LINS1: variants seen among roughly 807,000 people sequenced by gnomAD.
LINS1 encodes lines homolog 1.
In LINS1, 27 loss-of-function variants were observed where a neutral mutation model predicts 41.6. That is an observed-to-expected ratio of 0.65 (90% CI 0.48 to 0.89). The LOEUF (loss-of-function observed/expected upper bound fraction) is 0.89. Among genes scored for constraint, LINS1 ranks in the 40% least tolerant of loss-of-function variants. The pLI, the probability that LINS1 is intolerant of heterozygous loss-of-function variation, is 0.00. For synonymous variants in LINS1, 336 were observed against 312.9 expected (o/e 1.07, Z -0.78); for missense variants, 955 against 884.1 (o/e 1.08, Z -1.02).
intron 3 of LINS1, among the ~76,000 whole-genome samples, chr15:100,579,818 G>A (rs1028122414): frequency 5.9e-5 from 9 of 152,150 alleles, no homozygotes; most frequent in Non-Finnish European, 1.0e-4. Flanking sequence ...TTTTTAGGGG[G>A]AAGGGGTCCA....
At chr15:100,574,840 T>A (rs1181676467) in intron 4 of LINS1, 147 bp downstream of exon 4, 4 of 825,828 alleles carry the variant, frequency 4.8e-6, no homozygotes, top group Non-Finnish European at 7.7e-6. Context: ...AAACAGGTTA[T>A]CCTCAATCAA....
intron 1 of LINS1, among the ~76,000 whole-genome samples, chr15:100,582,752 C>T (rs1424636402): frequency 2.5e-5 from 3 of 121,868 alleles, no homozygotes; most frequent in Non-Finnish European, 3.4e-5. Flanking sequence ...CCATCTACAA[C>T]ATGGCCCACT....
rs888124360 is a variant in LINS1, at chr15:100,567,276, G to A, written c.*1962C>T. ...ATAGGACAGTCACAGTAAAAATAAC[G>A]GCTTGATAGTCTTATGGGACCACTG... On this transcript the variant is annotated 3_prime_UTR_variant, in exon 7 of 7. Coordinates refer to ENST00000314742, the MANE Select transcript of LINS1 (RefSeq NM_001040616.3). 1 of 152,140 alleles carries A rather than the reference G, an allele frequency of 6.6e-6. No homozygotes were observed. The highest frequency in any genetic ancestry group is 1.5e-5 in the Non-Finnish European group (1 of 68,034). 9.4% of individuals were successfully genotyped at this position (152,140 alleles called of 1,614,324 possible). A position where few individuals can be genotyped will look rare whatever the true frequency, so the allele number is the denominator to read the frequency against.
chr15:100,571,417 ATAACT>A (rs762536868), intron 6 of LINS1, among the ~76,000 whole-genome samples: 39 of 152,362 alleles, frequency 2.6e-4, no homozygotes, highest in Non-Finnish European at 4.3e-4. Flanking sequence ...CATCAGTAAC[ATAACT>A]TAACCAATTT....
At chr15:100,598,130 C>T (rs1465770720) in intron 1 of LINS1, among the ~76,000 whole-genome samples, 2 of 152,152 alleles carry the variant, frequency 1.3e-5, no homozygotes, top group Middle Eastern at 3.2e-3. Flanking sequence ...CTCTGGTGCC[C>T]TGTCTTACAG....
Position 100,569,405 on chromosome 15 carries a change from C to T in LINS1, c.2107G>A (p.Val703Ile), listed in dbSNP as rs567942281. The T allele has an allele frequency of 6.6e-5, 107 of 1,614,132 alleles. No homozygotes were observed. The highest frequency in any genetic ancestry group is 1.6e-4 in the Middle Eastern group (1 of 6,062). The change falls in exon 7 of 7, where the codon GTC (valine) becomes ATC (isoleucine). Residue 703 changes from valine to isoleucine, a missense_variant. Transcript: ENST00000314742. ...FDCEVAPNDV[V>I]SEVGIFYRIV... is the part of the protein sequence containing the mutation. ...CTGTAAAATATTCCCACTTCAGAGA[C>T]GACATCATTTGGGGCTACTTCACAA...
Position 100,573,921 on chromosome 15 carries a change from C to T in LINS1, c.952G>A (p.Gly318Arg), listed in dbSNP as rs769504618. 1 of 1,614,242 alleles carries T rather than the reference C, an allele frequency of 6.2e-7. No homozygotes were observed. The highest frequency in any genetic ancestry group is 8.5e-7 in the Non-Finnish European group (1 of 1,180,042). The change falls in exon 5 of 7, where the codon GGA becomes AGA. Residue 318 changes from glycine to arginine, a missense_variant. Coordinates refer to ENST00000314742, the MANE Select transcript of LINS1 (RefSeq NM_001040616.3). ...GGCGGCATTAAGGCAGGCACAGATC[C>T]ACGACAGAGGTCTTCACCCACTTTA... ...LCKVGEDLCR[G>R]SVPALMPPDH... is the part of the protein sequence containing the mutation.
rs760610751 is a variant in LINS1, at chr15:100,571,949, C to T, written c.1339G>A (p.Asp447Asn). Residue 447 changes from aspartate (D) to asparagine (N), a missense_variant, in exon 6 of 7, where the codon GAT becomes AAT. Coordinates refer to ENST00000314742, the MANE Select transcript of LINS1 (RefSeq NM_001040616.3). ...WLSRVFIEQD[D>N]DMLEAAKASL... ...GCCTTGGCAGCCTCCAGCATGTCAT[C>T]GTCTTGTTCTATGAAAACCCGAGAC... 3 of 1,614,192 alleles carry T rather than the reference C, an allele frequency of 1.9e-6. No homozygotes were observed. Among genetic ancestry groups the T allele is most frequent in the East Asian group, 2.2e-5 (1 of 44,890 alleles).
At chr15:100,589,499 G>T (rs1341383170) in intron 1 of LINS1, among the ~76,000 whole-genome samples, 1 of 152,210 alleles carries the variant, frequency 6.6e-6, no homozygotes, top group Non-Finnish European at 1.5e-5. Flanking sequence ...TATTCAAGAG[G>T]ATATAAGTCT....
intron 1 of LINS1, among the ~76,000 whole-genome samples, chr15:100,596,078 A>C (rs2039231389): frequency 6.6e-6 from 1 of 152,190 alleles, no homozygotes; most frequent in Admixed American, 6.5e-5. Flanking sequence ...AACAGACTCC[A>C]GGAGATTTGG....
At chr15:100,586,655 A>C (rs1351491494) in intron 1 of LINS1, among the ~76,000 whole-genome samples, 1 of 152,248 alleles carries the variant, frequency 6.6e-6, no homozygotes. Context: ...AATTTTGTCT[A>C]ATTCAGAAGT....
rs539418945 is a variant in LINS1, at chr15:100,568,016, T to C, written c.*1222A>G. On this transcript the variant is annotated 3_prime_UTR_variant, in exon 7 of 7. Transcript: ENST00000314742. ...CAGGCAATATTTTAGACTGCCTTAA[T>C]GCCAGACTTCGCAGCACAATATAGC... is the stretch of plus-strand genomic sequence containing the variant. 1.6e-4 allele frequency: 25 copies of C among 152,314 alleles called. No homozygotes were observed. Among genetic ancestry groups the C allele is most frequent in the Non-Finnish European group, 3.5e-4 (24 of 68,024 alleles). The allele number at this position is 152,314 out of a possible 1,614,324, so 9.4% of individuals were successfully genotyped here.
chr15:100,593,560 G>T (rs1368684439), intron 1 of LINS1, among the ~76,000 whole-genome samples: 2 of 19,812 alleles, frequency 1.0e-4, no homozygotes, highest in South Asian at 3.0e-3. Flanking sequence ...ACAACTTTAT[G>T]GGGGGGGGGG....
Position 100,580,691 on chromosome 15 carries a change from T to C in LINS1, c.152A>G (p.Asn51Ser), listed in dbSNP as rs138359957. 1.5e-5 allele frequency: 24 copies of C among 1,613,636 alleles called. No homozygotes were observed. In the African/African-American group the frequency reaches 2.8e-4, roughly 19 times the overall value. ...CSTATSLEWA[N>S]TCGIQGRHQP... Reference sequence around the variant, plus strand: ...ATGCCTGCCCTGGATACCACAGGTGTTTGCCCATTCTAAGGAGGTGGCTGT... The same window carrying C: ...ATGCCTGCCCTGGATACCACAGGTGCTTGCCCATTCTAAGGAGGTGGCTGT... The change falls in exon 2 of 7, where the codon AAC becomes AGC. Residue 51 changes from asparagine (N) to serine (S), a missense_variant. Coordinates refer to ENST00000314742, the MANE Select transcript of LINS1 (RefSeq NM_001040616.3).
rs1480142044 is a variant in LINS1, at chr15:100,568,949, C to T, written c.*289G>A. On this transcript the variant is annotated 3_prime_UTR_variant, in exon 7 of 7. Coordinates refer to ENST00000314742, the MANE Select transcript of LINS1 (RefSeq NM_001040616.3). ...GACCAGCCTGGCAACATGGTGAAACCCCCGTCTCTACTAAAAATACAAAAA... is the reference window on the plus strand; with the variant it reads ...GACCAGCCTGGCAACATGGTGAAACTCCCGTCTCTACTAAAAATACAAAAA... 25 of 273,768 alleles carry T rather than the reference C, an allele frequency of 9.1e-5. No individual in the cohort carries two copies. Among genetic ancestry groups the T allele is most frequent in the Non-Finnish European group, 7.0e-5 (10 of 142,300 alleles). The allele number at this position is 273,768 out of a possible 1,614,324, so 17.0% of individuals were successfully genotyped here.
chr15:100,577,997 T>C (rs1175918290), intron 3 of LINS1, among the ~76,000 whole-genome samples: 7 of 152,140 alleles, frequency 4.6e-5, no homozygotes, highest in Admixed American at 2.6e-4. Context: ...CTGGATCTCT[T>C]CCTTATACCT....
rs371599749 is a variant in LINS1 at position 100,576,640 on chromosome 15, C to G, written c.490-1512G>C. On this transcript the variant is annotated intron_variant, in intron 3 of 6. Coordinates refer to ENST00000314742, the MANE Select transcript of LINS1 (RefSeq NM_001040616.3). The stretch of plus-strand genomic sequence containing the variant: ...TTCCTTCTGAAACTATTCCAATCAA[C>G]AGAAAAAGAGGGAATCCTCCCTAAC... 1.7e-4 allele frequency: 26 copies of G among 152,396 alleles called. 1 individual carries two copies. Among genetic ancestry groups the G allele is most frequent in the African/African-American group, 5.5e-4 (23 of 41,560 alleles). The allele number at this position is 152,396 out of a possible 1,614,324, so 9.4% of individuals were successfully genotyped here. A position where few individuals can be genotyped will look rare whatever the true frequency, so the allele number is the denominator to read the frequency against.
At chr15:100,575,781 A>T (rs2038137213) in intron 3 of LINS1, among the ~76,000 whole-genome samples, 2 of 152,226 alleles carry the variant, frequency 1.3e-5, no homozygotes, top group Non-Finnish European at 1.5e-5. Flanking sequence ...GAAGTAAAGC[A>T]CTCCTCAGCA....
At chr15:100,573,580 T>C in intron 5 of LINS1, 71 bp downstream of exon 5, 2 of 1,001,346 alleles carry the variant, frequency 2.0e-6, no homozygotes, top group East Asian at 5.1e-5. Context: ...GTCCTGAGAT[T>C]TGATAATTAT....
Sources: gnomAD v4.1 joint callset for allele counts (sites outside exome capture counted in the v4.1 genomes callset) on GRCh38, gnomAD v4.1.1 for gene constraint, MANE v1.5 for transcripts, NCBI Gene and HGNC (gene_info 2026-07-23, HGNC 2026-07-21) for gene names.